VSX2: variants seen among roughly 807,000 people sequenced by gnomAD.
The protein encoded by VSX2 is ceh-10 homeo domain containing homolog.
A neutral mutation model predicts 32.1 loss-of-function variants in VSX2; 28 were observed. The observed-to-expected ratio is 0.87, with a 90% CI of 0.65 to 1.20. The LOEUF (loss-of-function observed/expected upper bound fraction) is 1.20, where lower values mean the gene tolerates loss of function less well. Ranked by LOEUF, VSX2 falls within the 50% of genes most tolerant of loss-of-function variation. The pLI, the probability that VSX2 is intolerant of heterozygous loss-of-function variation, is 0.00. For missense variants in VSX2, 506 were observed against 488.7 expected, an observed-to-expected ratio of 1.04 and a Z score of -0.33; for synonymous variants, 243 against 214.1, an observed-to-expected ratio of 1.14 and a Z score of -1.18.
chr14:74,240,532 G>A (rs1249258891), intron 1 of VSX2, among the ~76,000 whole-genome samples: 1 of 152,138 alleles, frequency 6.6e-6, no homozygotes, highest in Non-Finnish European at 1.5e-5. Flanking sequence ...CGGGGACCCT[G>A]GGTGACCTCT....
chr14:74,260,563 T>G, intron 4 of VSX2, 31 bp from the exon 5 acceptor site: 1 of 1,571,062 alleles, frequency 6.4e-7, no homozygotes, highest in Non-Finnish European at 8.6e-7. Flanking sequence ...CAGGCGCTTT[T>G]CTAAACCCGA....
In VSX2 at chr14:74,260,339, C is replaced by T. The variant is rs2079296502; in HGVS notation, c.761-255C>T. Among the ~76,000 whole-genome samples, 4 of 152,298 alleles carry T rather than the reference C, an allele frequency of 2.6e-5. No individual in the cohort carries two copies. The South Asian group carries it at 8.3e-4, about 32-fold the overall frequency. On this transcript the variant is annotated intron_variant, in intron 4 of 4. Transcript: ENST00000261980. ...AGGGACAGGGGAGCATGTGCTGTGG[C>T]CTGGAAGGGACAGAACAGGCCACCC...
intron 2 of VSX2, among the ~76,000 whole-genome samples, chr14:74,244,874 G>A (rs1056350362): frequency 7.2e-6 from 1 of 139,844 alleles, no homozygotes; most frequent in African/African-American, 2.7e-5. Flanking sequence ...GACAGAGAGA[G>A]AGAGAAAGTG....
intron 3 of VSX2, among the ~76,000 whole-genome samples, chr14:74,255,587 CT>C (rs2079257969): frequency 6.6e-6 from 1 of 152,194 alleles, no homozygotes; most frequent in Non-Finnish European, 1.5e-5. Flanking sequence ...GAAAATAGTT[CT>C]GTTTATAGGC....
chr14:74,251,952 CCT>C (rs1324750634), intron 3 of VSX2, among the ~76,000 whole-genome samples: 1 of 152,132 alleles, frequency 6.6e-6, no homozygotes, highest in Non-Finnish European at 1.5e-5. Flanking sequence ...CAGGGCAGGG[CCT>C]GAGGTAGCGA....
At chr14:74,256,834 C>T (rs1338503627) in intron 3 of VSX2, among the ~76,000 whole-genome samples, 3 of 151,846 alleles carry the variant, frequency 2.0e-5, no homozygotes, top group Non-Finnish European at 4.4e-5. Context: ...CCACCGTGCC[C>T]GGCTAATTTT....
At chr14:74,248,522 T>C (rs1365737816) in intron 3 of VSX2, among the ~76,000 whole-genome samples, 8 of 151,270 alleles carry the variant, frequency 5.3e-5, no homozygotes. Flanking sequence ...TCCCCATCTC[T>C]ACAAAAAAAA....
Sources: allele counts gnomAD v4.1 joint callset (sites outside exome capture counted in the v4.1 genomes callset), GRCh38; gene constraint gnomAD v4.1.1; transcripts MANE v1.5; gene names NCBI Gene and HGNC (gene_info 2026-07-23, HGNC 2026-07-21).